MXI1: variants seen among roughly 807,000 people sequenced by gnomAD.
The protein encoded by MXI1 is MAX interactor 1, dimerization protein, also known as max-interacting protein 1.
Under a neutral mutation model 36.9 loss-of-function variants are expected in MXI1, and 18 were observed. The ratio of observed to expected loss-of-function variants is 0.49; its 90% CI spans 0.34 to 0.72. MXI1 has a LOEUF of 0.72. Ranked by LOEUF, MXI1 falls within the 30% of genes least tolerant of loss-of-function variation. The probability of loss-of-function intolerance (pLI) is 0.01; values close to 1 mark genes in which losing one functional copy is unlikely to be tolerated. For missense variants in MXI1, 304 were observed against 379.1 expected, an observed-to-expected ratio of 0.80 and a Z score of 1.64; for synonymous variants, 160 against 146.7, an observed-to-expected ratio of 1.09 and a Z score of -0.65.
intron 3 of MXI1, among the ~76,000 whole-genome samples, chr10:110,264,906 CTAGTGCTGGT>C (rs1856636045): frequency 6.6e-6 from 1 of 151,852 alleles, no homozygotes; most frequent in Admixed American, 6.6e-5. Context: ...TAGCTTGAGG[CTAGTGCTGGT>C]TAGTGCTTTA....
intron 2 of MXI1, among the ~76,000 whole-genome samples, chr10:110,239,921 G>A (rs916612202): frequency 6.6e-6 from 1 of 150,954 alleles, no homozygotes; most frequent in African/African-American, 2.4e-5. Context: ...CCTCCCCAAG[G>A]TAACTGCAAT....
chr10:110,207,858 G>A lies in MXI1; in HGVS notation c.50G>A (p.Gly17Glu). The change falls in exon 1 of 6, where the codon GGG becomes GAG. Residue 17 changes from glycine (G) to glutamate (E), a missense_variant. Gly to Glu is a moderately conservative substitution (Grantham distance 98). This residue lies in a region of MXI1 where 179 missense variants were observed against 184.8 expected (regional missense o/e 0.97). Coordinates refer to ENST00000332674, the MANE Select transcript of MXI1 (RefSeq NM_130439.3). ...AAGGAGGCGCGCTGCGAGGGCGCGG[G>A]GCTGGCCCCCGCCGCGCCCCCGGCT... ...PRKEARCEGAGLAPAAPPAVP... is the reference protein window; with the variant it reads ...PRKEARCEGAELAPAAPPAVP... The A allele has an allele frequency of 8.4e-7, 1 of 1,194,154 alleles. No individual in the cohort carries two copies. The highest frequency in any genetic ancestry group is 1.0e-6 in the Non-Finnish European group (1 of 964,318). 74.0% of individuals were successfully genotyped at this position (1,194,154 alleles called of 1,614,324 possible).
At chr10:110,257,904 T>C in intron 3 of MXI1, 1 of 218,496 alleles carries the variant, frequency 4.6e-6, no homozygotes, top group Non-Finnish European at 9.2e-6. Flanking sequence ...GAAAAAAAAA[T>C]AAGGGGGGAG....
At position 110,207,873 on chromosome 10, in the gene MXI1, CGCCCCCGGCTGTGCCCCCCGCCGT is replaced by C; in HGVS notation, c.67_90del (p.Pro23_Val30del). ...GAGGGCGCGGGGCTGGCCCCCGCCGCGCCCCCGGCTGTGCCCCCCGCCGTGGCCGCGCCCCAGCCCCCGGCCCTG... is the reference window on the plus strand; with the variant it reads ...GAGGGCGCGGGGCTGGCCCCCGCCGCGGCCGCGCCCCAGCCCCCGGCCCTG... On this transcript the variant is annotated inframe_deletion, in exon 1 of 6. Coordinates refer to ENST00000332674, the MANE Select transcript of MXI1 (RefSeq NM_130439.3). 1 of 1,222,696 alleles carries C rather than the reference CGCCCCCGGCTGTGCCCCCCGCCGT, an allele frequency of 8.2e-7. No individual in the cohort carries two copies. The highest frequency in any genetic ancestry group is 3.9e-5 in the East Asian group (1 of 25,966). 75.7% of individuals were successfully genotyped at this position (1,222,696 alleles called of 1,614,324 possible). A position where few individuals can be genotyped will look rare whatever the true frequency, so the allele number is the denominator to read the frequency against.
intron 3 of MXI1, among the ~76,000 whole-genome samples, chr10:110,276,057 T>C (rs375082899): frequency 3.3e-5 from 5 of 152,226 alleles, no homozygotes; most frequent in African/African-American, 1.2e-4. Flanking sequence ...TGTCGGTGCA[T>C]TGCAGATCCT....
At chr10:110,222,554 G>A (rs1854843262) in intron 1 of MXI1, among the ~76,000 whole-genome samples, 1 of 152,194 alleles carries the variant, frequency 6.6e-6, no homozygotes, top group Non-Finnish European at 1.5e-5. Context: ...GTCCCCATCC[G>A]TGGCTGTGAT....
intron 2 of MXI1, among the ~76,000 whole-genome samples, chr10:110,240,487 T>C (rs754711134): frequency 2.6e-5 from 4 of 152,098 alleles, no homozygotes; most frequent in Non-Finnish European, 5.9e-5. Context: ...TAAAAGTTTA[T>C]AGTATTCAAA....
rs749845781 is a variant in MXI1 at position 110,207,982 on chromosome 10, C to G, written c.174C>G (p.Ser58Arg). ...CCTTCTCAGACATTTTCAACACCAG[C>G]GAGAACTCGATGGAGAAGCACATCA... ...RCPFSDIFNTSENSMEKHINT... is the reference protein window; with the variant it reads ...RCPFSDIFNTRENSMEKHINT... The change falls in exon 1 of 6, where the codon AGC becomes AGG. Residue 58 changes from serine to arginine, a missense_variant. This residue lies in a region of MXI1 where 179 missense variants were observed against 184.8 expected (regional missense o/e 0.97). Coordinates refer to ENST00000332674, the MANE Select transcript of MXI1 (RefSeq NM_130439.3). 2 of 1,601,938 alleles carry G rather than the reference C, an allele frequency of 1.2e-6. No individual in the cohort carries two copies. Among genetic ancestry groups the G allele is most frequent in the Non-Finnish European group, 1.7e-6 (2 of 1,174,676 alleles).
chr10:110,207,954 G>A lies in MXI1; in HGVS notation c.146G>A (p.Cys49Tyr). 6.3e-7 allele frequency: 1 copy of A among 1,594,310 alleles called. No individual in the cohort carries two copies. Among genetic ancestry groups the A allele is most frequent in the Non-Finnish European group, 8.5e-7 (1 of 1,171,172 alleles). The change falls in exon 1 of 6, where the codon TGC becomes TAC. Residue 49 changes from cysteine to tyrosine, a missense_variant. Around this residue, in one of 2 missense-constraint regions of MXI1, gnomAD observed 179 missense variants for 184.8 expected, o/e 0.97. Transcript: ENST00000332674. ...GACCCCGCTGGGGCCAAGCCCAGGT[G>A]CCCCTTCTCAGACATTTTCAACACC... ...PEDPAGAKPR[C>Y]PFSDIFNTSE...
Position 110,249,417 on chromosome 10 carries a change from T to G in MXI1, c.437+4560T>G, listed in dbSNP as rs77269681. Among the ~76,000 whole-genome samples the G allele has an allele frequency of 7.3e-3, 1,107 of 151,900 alleles. 5 individuals are homozygous for G. The highest frequency in any genetic ancestry group is 0.013 in the Non-Finnish European group (872 of 67,918). On this transcript the variant is annotated intron_variant, in intron 3 of 5. Transcript: ENST00000332674. ...ATCAGTTGTTACTGATTACAGTACA[T>G]TAAATACAAAAATTAGACAGGCATG...
intron 1 of MXI1, among the ~76,000 whole-genome samples, chr10:110,216,733 C>T (rs374845996): frequency 3.2e-5 from 4 of 125,538 alleles, no homozygotes; most frequent in East Asian, 5.6e-4. Context: ...GTGGCACAAT[C>T]TCAGCTCACT....
chr10:110,276,107 C>G (rs1857019788), intron 3 of MXI1, among the ~76,000 whole-genome samples: 1 of 152,186 alleles, frequency 6.6e-6, no homozygotes, highest in Admixed American at 6.5e-5. Context: ...ATATAGAATT[C>G]CAGCTCAGTT....
intron 3 of MXI1, among the ~76,000 whole-genome samples, chr10:110,276,321 A>T (rs540635240): frequency 1.9e-4 from 29 of 152,294 alleles, no homozygotes; most frequent in African/African-American, 7.0e-4. Context: ...CTCTCCATTT[A>T]TTCAGATTTT....
intron 2 of MXI1, among the ~76,000 whole-genome samples, chr10:110,233,561 T>C (rs969467799): frequency 3.9e-5 from 6 of 152,138 alleles, no homozygotes; most frequent in Non-Finnish European, 1.5e-5. Flanking sequence ...AGTTTCTGGG[T>C]CTTTGTTCCG....
intron 3 of MXI1, chr10:110,261,062 A>G (rs780589304): frequency 3.9e-5 from 38 of 983,168 alleles, no homozygotes; most frequent in South Asian, 4.7e-5. Context: ...GAAAGAGCAC[A>G]CTGCTCTTAC....
chr10:110,281,484 G>T (rs956328023), intron 5 of MXI1, among the ~76,000 whole-genome samples: 1 of 152,064 alleles, frequency 6.6e-6, no homozygotes, highest in Non-Finnish European at 1.5e-5. Context: ...TTTGTTTGAT[G>T]TGCCTTTTAA....
chr10:110,226,187 C>A, intron 1 of MXI1: 5 of 1,466,874 alleles, frequency 3.4e-6, no homozygotes, highest in Non-Finnish European at 4.5e-6. Flanking sequence ...TGCGGAGAGG[C>A]GCCGGTCGCC....
At chr10:110,256,545 G>T (rs544019746) in intron 3 of MXI1, among the ~76,000 whole-genome samples, 2 of 134,378 alleles carry the variant, frequency 1.5e-5, no homozygotes, top group Non-Finnish European at 3.1e-5. Context: ...AGAGGTTGCA[G>T]TGAGCTGACA....
intron 1 of MXI1, among the ~76,000 whole-genome samples, chr10:110,222,716 G>C (rs949717843): frequency 1.3e-5 from 2 of 152,164 alleles, no homozygotes; most frequent in African/African-American, 4.8e-5. Flanking sequence ...TGCTTTTCCT[G>C]TTTCCCCATC....
Sources: gnomAD v4.1 joint callset for allele counts (sites outside exome capture counted in the v4.1 genomes callset) on GRCh38, gnomAD v4.1.1 for gene constraint, gnomAD v4.1.1 regional missense constraint, MANE v1.5 for transcripts, NCBI Gene and HGNC (gene_info 2026-07-23, HGNC 2026-07-21) for gene names.